UGT3A1: variants seen among roughly 807,000 people sequenced by gnomAD.
UGT3A1 encodes UDP-glycosyltransferase 3A1.
Under a neutral mutation model 37.6 loss-of-function variants are expected in UGT3A1, and 40 were observed. The ratio of observed to expected loss-of-function variants is 1.06; its 90% CI spans 0.83 to 1.38. UGT3A1 has a LOEUF of 1.38. Among genes scored for constraint, UGT3A1 ranks in the 40% most tolerant of loss-of-function variants. UGT3A1 has a pLI of 0.00. For synonymous variants in UGT3A1, 256 were observed against 232.3 expected, an observed-to-expected ratio of 1.10 and a Z score of -0.93; for missense variants, 642 against 634.2, an observed-to-expected ratio of 1.01 and a Z score of -0.13.
At chr5:35,975,876 G>C (rs1212999972) in intron 2 of UGT3A1, among the ~76,000 whole-genome samples, 5 of 152,092 alleles carry the variant, frequency 3.3e-5, no homozygotes, top group Non-Finnish European at 7.4e-5. Context: ...TACAGCTACA[G>C]GTGGTGGAAA....
rs3756669 is a variant in UGT3A1, at chr5:35,965,868, A to G, written c.361T>C (p.Cys121Arg). 1.9e-6 allele frequency: 3 copies of G among 1,600,344 alleles called. No individual in the cohort carries two copies. Among genetic ancestry groups the G allele is most frequent in the Non-Finnish European group, 2.6e-6 (3 of 1,174,598 alleles). Residue 121 changes from cysteine to arginine, a missense_variant, in exon 4 of 7, where the codon TGT (cysteine) becomes CGT (arginine). Transcript: ENST00000274278. ...VKLMEIFGTQ[C>R]SYLLSRKDIM... ...TCCTTTCTGCTTAGCAAATAACTACATTGAGTCCCAAATATTTCCATTAGC... is the reference window on the plus strand; with the variant it reads ...TCCTTTCTGCTTAGCAAATAACTACGTTGAGTCCCAAATATTTCCATTAGC...
intron 1 of UGT3A1, among the ~76,000 whole-genome samples, chr5:36,000,672 C>A (rs1287052660): frequency 1.3e-5 from 2 of 152,188 alleles, no homozygotes; most frequent in Non-Finnish European, 2.9e-5. Context: ...CCCCAAGACA[C>A]AGGACCAGGC....
chr5:35,961,772 T>G (rs1739596616), intron 4 of UGT3A1: 1 of 152,214 alleles, frequency 6.6e-6, no homozygotes, highest in Non-Finnish European at 1.5e-5. Flanking sequence ...TGCAACTTCC[T>G]CCTGATATCA....
rs757258359 is a variant in UGT3A1, at chr5:35,957,396, G to T, written c.867C>A (p.Asn289Lys). 6.2e-7 allele frequency: 1 copy of T among 1,614,116 alleles called. No homozygotes were observed. The highest frequency in any genetic ancestry group is 8.5e-7 in the Non-Finnish European group (1 of 1,180,012). Reference sequence around the variant, plus strand: ...CAAGGACAAACCCTGCATCCCCAAAGTTGGCAATGAAGTTGTCCAAGTCCT... The same window carrying T: ...CAAGGACAAACCCTGCATCCCCAAATTTGGCAATGAAGTTGTCCAAGTCCT... The part of the protein sequence containing the change: ...VPQDLDNFIA[N>K]FGDAGFVLVA... Residue 289 changes from asparagine (N) to lysine (K), a missense_variant, in exon 5 of 7, where the codon AAC (asparagine) becomes AAA (lysine). Physicochemically the swap from Asn to Lys is moderately conservative, Grantham distance 94 (BLOSUM62 0). Coordinates refer to ENST00000274278, the MANE Select transcript of UGT3A1 (RefSeq NM_152404.4).
At chr5:35,954,586 T>C (rs750464089) in intron 6 of UGT3A1, 108 bp from the exon 7 acceptor site, 30 of 1,374,636 alleles carry the variant, frequency 2.2e-5, no homozygotes, top group African/African-American at 1.3e-4. Flanking sequence ...TTCTAACACA[T>C]GCACCAAGGC....
chr5:35,954,404 C>G lies in UGT3A1; in HGVS notation c.1370G>C (p.Gly457Ala). 1.2e-6 allele frequency: 2 copies of G among 1,614,200 alleles called. No individual in the cohort carries two copies. Among genetic ancestry groups the G allele is most frequent in the Non-Finnish European group, 1.7e-6 (2 of 1,180,036 alleles). Residue 457 changes from glycine (G) to alanine (A), a missense_variant, in exon 7 of 7, where the codon GGC (glycine) becomes GCC (alanine). Physicochemically the swap from Gly to Ala is moderately conservative, Grantham distance 60 (BLOSUM62 0). Coordinates refer to ENST00000274278, the MANE Select transcript of UGT3A1 (RefSeq NM_152404.4). ...AGTCTGGAGGATGTGGTCGATCCAG[C>G]CCACCAGCCGCTGTGCGGGGCTCAG... is the stretch of plus-strand genomic sequence containing the variant. ...QPLSPAQRLV[G>A]WIDHILQTGG...
chr5:35,952,349 C>T lies in UGT3A1; in HGVS notation c.*1853G>A, dbSNP rs1268405406. On this transcript the variant is annotated 3_prime_UTR_variant, in exon 7 of 7. Coordinates refer to ENST00000274278, the MANE Select transcript of UGT3A1 (RefSeq NM_152404.4). ...CAAATCATAGAGCCCTTATATTCCA[C>T]ACAATGGGAACAAAGATTTTAAACA... 6.6e-6 allele frequency: 1 copy of T among 152,190 alleles called. No individual in the cohort carries two copies. Among genetic ancestry groups the T allele is most frequent in the East Asian group, 1.9e-4 (1 of 5,196 alleles). 9.4% of individuals were successfully genotyped at this position (152,190 alleles called of 1,614,324 possible).
chr5:35,998,922 C>T (rs1741156872), intron 1 of UGT3A1, among the ~76,000 whole-genome samples: 1 of 152,056 alleles, frequency 6.6e-6, no homozygotes, highest in Non-Finnish European at 1.5e-5. Flanking sequence ...AATATTTAAC[C>T]TCCTCAAAGC....
At chr5:35,970,106 C>A (rs191415763) in intron 2 of UGT3A1, among the ~76,000 whole-genome samples, 116 of 152,218 alleles carry the variant, frequency 7.6e-4, no homozygotes, top group African/African-American at 2.7e-3. Context: ...ACCATCATTT[C>A]TTGGCCGGGC....
intron 3 of UGT3A1, 104 bp from the exon 4 acceptor site, chr5:35,966,021 A>G: frequency 1.1e-6 from 1 of 898,120 alleles, no homozygotes; most frequent in Non-Finnish European, 1.6e-6. Flanking sequence ...TTAAGAATAT[A>G]ACCAGTATCC....
At chr5:35,994,333 T>G (rs199970820), upstream of UGT3A1, among the ~76,000 whole-genome samples, 1,710 of 138,630 alleles carry the variant, frequency 0.012, 38 homozygotes, top group African/African-American at 0.042. Flanking sequence ...TTTGTTTTGT[T>G]TGTGTGTGTG....
intron 1 of UGT3A1, chr5:35,990,913 C>T: frequency 2.9e-6 from 4 of 1,385,230 alleles, no homozygotes; most frequent in Non-Finnish European, 3.8e-6. Flanking sequence ...GCGTCCTGAA[C>T]AAGAAGAGAG....
In UGT3A1 at chr5:35,954,498, G is replaced by C; in HGVS notation, c.1296-20C>G. The C allele has an allele frequency of 3.1e-6, 5 of 1,611,464 alleles. No individual in the cohort carries two copies. The highest frequency in any genetic ancestry group is 4.2e-6 in the Non-Finnish European group (5 of 1,177,994). ...TTGTACCTGTTGGCGGAGACAGAGA[G>C]GGTGTGTTACTGACGTAGCCTCACA... On this transcript the variant is annotated intron_variant, in intron 6 of 6. Transcript: ENST00000274278.
At chr5:35,986,287 A>T (rs1740725583) in intron 2 of UGT3A1, among the ~76,000 whole-genome samples, 1 of 152,148 alleles carries the variant, frequency 6.6e-6, no homozygotes. Context: ...CTAAAGACAG[A>T]ACTACCATAT....
intron 1 of UGT3A1, among the ~76,000 whole-genome samples, chr5:35,989,172 C>T (rs889029300): frequency 6.6e-6 from 1 of 152,156 alleles, no homozygotes; most frequent in Non-Finnish European, 1.5e-5. Context: ...CAATGTACAA[C>T]TTATAATTAA....
upstream of UGT3A1, among the ~76,000 whole-genome samples, chr5:35,994,489 G>T (rs1445906): frequency 0.21 from 31,851 of 151,770 alleles, 3,392 homozygotes; most frequent in Middle Eastern, 0.23. Context: ...GCCTTTTGTG[G>T]CATTCTCAGG....
upstream of UGT3A1, among the ~76,000 whole-genome samples, chr5:35,994,333 TTGTGTG>T (rs35026618): frequency 0.054 from 7,417 of 138,586 alleles, 642 homozygotes; most frequent in African/African-American, 0.18. Flanking sequence ...TTTGTTTTGT[TTGTGTG>T]TGTGTGTGTG....
rs1373796770 is a variant in UGT3A1 at position 35,991,252 on chromosome 5, C to T, written c.-12G>A. ...CGCTGCCCAACCATGCTCACTTCCACAGAAGCAGCGGATCTCAGCCTGGGC... is the reference window on the plus strand; with the variant it reads ...CGCTGCCCAACCATGCTCACTTCCATAGAAGCAGCGGATCTCAGCCTGGGC... On this transcript the variant is annotated 5_prime_UTR_variant, in exon 1 of 7. The change creates a new upstream start codon in the 5' untranslated region. Coordinates refer to ENST00000274278, the MANE Select transcript of UGT3A1 (RefSeq NM_152404.4). The T allele has an allele frequency of 8.7e-6, 14 of 1,614,160 alleles. No homozygotes were observed. The highest frequency in any genetic ancestry group is 1.2e-5 in the Non-Finnish European group (14 of 1,179,982).
chr5:35,956,183 A>T (rs1409367951), intron 5 of UGT3A1, among the ~76,000 whole-genome samples: 1 of 152,198 alleles, frequency 6.6e-6, no homozygotes, highest in Non-Finnish European at 1.5e-5. Flanking sequence ...CTCTCCATTT[A>T]CTTCCTGCTC....
Sources: gnomAD v4.1 joint callset for allele counts (sites outside exome capture counted in the v4.1 genomes callset) on GRCh38, gnomAD v4.1.1 for gene constraint, MANE v1.5 for transcripts, NCBI Gene and HGNC (gene_info 2026-07-23, HGNC 2026-07-21) for gene names.